The following LCOR variants were observed in gnomAD, a reference collection of about 807,000 sequenced individuals.
LCOR encodes ligand-dependent corepressor.
LCOR carries 14 observed loss-of-function variants against 64.4 expected under a neutral mutation model. The ratio of observed to expected loss-of-function variants is 0.22; its 90% CI spans 0.14 to 0.34. The LOEUF (loss-of-function observed/expected upper bound fraction) is 0.34. Among genes scored for constraint, LCOR ranks in the 10% least tolerant of loss-of-function variants. The pLI, the probability that LCOR is intolerant of heterozygous loss-of-function variation, is 1.00. For synonymous variants in LCOR, 643 were observed against 642.5 expected (o/e 1.00, Z -0.01); for missense variants, 1,686 against 1,765.3 (o/e 0.96, Z 0.80).
chr10:96,991,905 G>T lies in LCOR; in HGVS notation c.*6771G>T, dbSNP rs1283579932. ...CCAGTGTGGCCCTGAACACAAATTT[G>T]TCACATTGGAAGCATTTTTCTCTCA... On this transcript the variant is annotated 3_prime_UTR_variant, in exon 8 of 8. Coordinates refer to ENST00000421806, the MANE Select transcript of LCOR (RefSeq NM_001346516.2). 1.3e-5 allele frequency: 2 copies of T among 152,098 alleles called. No individual in the cohort carries two copies. Among genetic ancestry groups the T allele is most frequent in the Middle Eastern group, 6.8e-3 (2 of 294 alleles). 9.4% of individuals were successfully genotyped at this position (152,098 alleles called of 1,614,324 possible).
At chr10:96,905,529 G>T (rs1171396030) in intron 2 of LCOR, among the ~76,000 whole-genome samples, 1 of 152,028 alleles carries the variant, frequency 6.6e-6, no homozygotes, top group Non-Finnish European at 1.5e-5. Context: ...GAAAATATCT[G>T]ATCTCCAGGG....
intron 2 of LCOR, among the ~76,000 whole-genome samples, chr10:96,870,833 C>T (rs943300705): frequency 2.0e-5 from 3 of 152,140 alleles, no homozygotes; most frequent in Non-Finnish European, 4.4e-5. Context: ...AGAAATTGAG[C>T]TAGAGATGTA....
At chr10:96,858,654 G>C (rs1845841236) in intron 2 of LCOR, among the ~76,000 whole-genome samples, 1 of 152,178 alleles carries the variant, frequency 6.6e-6, no homozygotes, top group Non-Finnish European at 1.5e-5. Flanking sequence ...TTTTGGGGAT[G>C]ATCATAATGT....
intron 2 of LCOR, among the ~76,000 whole-genome samples, chr10:96,902,898 A>G (rs983035539): frequency 1.3e-5 from 2 of 152,184 alleles, no homozygotes; most frequent in African/African-American, 2.4e-5. Context: ...TTTTTCAAAC[A>G]TCGTAAAGTA....
rs1278460750 is a variant in LCOR, at chr10:96,994,135, T to G, written c.*9001T>G. On this transcript the variant is annotated 3_prime_UTR_variant, in exon 8 of 8. Transcript: ENST00000421806. The stretch of plus-strand genomic sequence containing the variant: ...TCATGAATTTATAGGGTTTCCAGAA[T>G]CTAGTTGAGGCAAAGCTCATTTGGC... 6.6e-6 allele frequency: 1 copy of G among 152,192 alleles called. No homozygotes were observed. The highest frequency in any genetic ancestry group is 6.5e-5 in the Admixed American group (1 of 15,288). The allele number at this position is 152,192 out of a possible 1,614,324, so 9.4% of individuals were successfully genotyped here. A position where few individuals can be genotyped will look rare whatever the true frequency, so the allele number is the denominator to read the frequency against.
chr10:96,859,932 C>T (rs1196689233), intron 2 of LCOR, among the ~76,000 whole-genome samples: 3 of 152,080 alleles, frequency 2.0e-5, no homozygotes, highest in African/African-American at 7.2e-5. Context: ...GTCATGTGGC[C>T]CATCCCTGAG....
intron 4 of LCOR, among the ~76,000 whole-genome samples, chr10:96,914,306 C>T (rs1387833299): frequency 6.6e-6 from 1 of 152,136 alleles, no homozygotes; most frequent in Non-Finnish European, 1.5e-5. Flanking sequence ...AAGCGATTCT[C>T]CTGCCTTAGC....
chr10:96,832,421 C>T, intron 1 of LCOR, 22 bp downstream of exon 1: 3 of 940,998 alleles, frequency 3.2e-6, no homozygotes, highest in Non-Finnish European at 3.8e-6. Context: ...CGCCGACCGC[C>T]GCCGCCCCTC....
chr10:96,890,445 G>A (rs1049597488), intron 2 of LCOR, among the ~76,000 whole-genome samples: 2 of 151,960 alleles, frequency 1.3e-5, no homozygotes, highest in Admixed American at 6.6e-5. Flanking sequence ...CTGTTTATTA[G>A]GTTAATGGTG....
intron 7 of LCOR, chr10:96,955,045 G>C: frequency 6.2e-7 from 1 of 1,614,088 alleles, no homozygotes; most frequent in Non-Finnish European, 8.5e-7. Flanking sequence ...ACCAGGGAAG[G>C]TTTTGGACAC....
In LCOR at chr10:96,985,116, G is replaced by A. The variant is rs769456929; in HGVS notation, c.4656G>A (p.Arg1552=). The change falls in exon 8 of 8, where the codon AGG becomes AGA. Residue 1552 remains arginine, a synonymous_variant. Coordinates refer to ENST00000421806, the MANE Select transcript of LCOR (RefSeq NM_001346516.2). Reference sequence around the variant, plus strand: ...TGGACTGTTCGCACAGCAAACGGAGGCGGCTGGATGCAAAGTGATTGGAAA... The same window carrying A: ...TGGACTGTTCGCACAGCAAACGGAGACGGCTGGATGCAAAGTGATTGGAAA... ...AKLDCSHSKR[R]RLDAK 1 of 1,597,568 alleles carries A rather than the reference G, an allele frequency of 6.3e-7. No individual in the cohort carries two copies. Among genetic ancestry groups the A allele is most frequent in the East Asian group, 2.2e-5 (1 of 44,756 alleles).
At chr10:96,900,734 C>G (rs1846619150) in intron 2 of LCOR, among the ~76,000 whole-genome samples, 1 of 147,922 alleles carries the variant, frequency 6.8e-6, no homozygotes, top group Admixed American at 6.6e-5. Context: ...TTGAGTAACC[C>G]TTACCCCCCA....
At chr10:96,835,861 C>T (rs1265039720) in intron 2 of LCOR, among the ~76,000 whole-genome samples, 1 of 152,098 alleles carries the variant, frequency 6.6e-6, no homozygotes, top group East Asian at 1.9e-4. Context: ...GTCCTGGGTT[C>T]AGACAGTGAT....
At chr10:96,843,701 A>T (rs1420179612) in intron 2 of LCOR, among the ~76,000 whole-genome samples, 2 of 152,206 alleles carry the variant, frequency 1.3e-5, no homozygotes, top group African/African-American at 4.8e-5. Context: ...TTCTTGTTTC[A>T]TCCCTAACTG....
intron 4 of LCOR, among the ~76,000 whole-genome samples, chr10:96,919,156 G>T (rs1487039269): frequency 6.6e-6 from 1 of 152,120 alleles, no homozygotes; most frequent in Admixed American, 6.6e-5. Context: ...GTTTTCGATA[G>T]CTTGCTTAAG....
At chr10:96,957,119 T>C in intron 7 of LCOR, 5 of 985,216 alleles carry the variant, frequency 5.1e-6, no homozygotes, top group Non-Finnish European at 6.0e-6. Context: ...GGAATTCCTT[T>C]TTTAACTGAT....
At chr10:96,955,048 T>C (rs2134532897) in intron 7 of LCOR, 1 of 1,614,100 alleles carries the variant, frequency 6.2e-7, no homozygotes, top group South Asian at 1.1e-5. Context: ...AGGGAAGGTT[T>C]TGGACACTCC....
intron 2 of LCOR, among the ~76,000 whole-genome samples, chr10:96,903,214 GCTGTACGCTA>G (rs1846671897): frequency 6.6e-6 from 1 of 152,152 alleles, no homozygotes; most frequent in Non-Finnish European, 1.5e-5. Flanking sequence ...CTAGAATGTT[GCTGTACGCTA>G]CTGTAGACTT....
intron 2 of LCOR, among the ~76,000 whole-genome samples, chr10:96,893,421 T>C (rs780039902): frequency 3.3e-5 from 5 of 152,208 alleles, no homozygotes; most frequent in Non-Finnish European, 7.3e-5. Context: ...ACTTGTCTAA[T>C]CACGTTATAA....
Sources: gnomAD v4.1 joint callset for allele counts (sites outside exome capture counted in the v4.1 genomes callset) on GRCh38, gnomAD v4.1.1 for gene constraint, MANE v1.5 for transcripts, NCBI Gene and HGNC (gene_info 2026-07-23, HGNC 2026-07-21) for gene names.